AGMO: variants seen among roughly 807,000 people sequenced by gnomAD.
AGMO encodes glyceryl-ether monooxygenase.
A neutral mutation model predicts 60.2 loss-of-function variants in AGMO; 75 were observed. The observed-to-expected ratio is 1.25, with a 90% CI of 1.03 to 1.51. The LOEUF is 1.51. Among genes scored for constraint, AGMO ranks in the 40% most tolerant of loss-of-function variants. The pLI, the probability that AGMO is intolerant of heterozygous loss-of-function variation, is 0.00. For missense variants in AGMO, 763 were observed against 525.5 expected, an observed-to-expected ratio of 1.45 and a Z score of -4.42; for synonymous variants, 261 against 177.1, an observed-to-expected ratio of 1.47 and a Z score of -3.76.
At chr7:15,316,839 T>G (rs1235322800) in intron 12 of AGMO, among the ~76,000 whole-genome samples, 1 of 152,160 alleles carries the variant, frequency 6.6e-6, no homozygotes, top group Non-Finnish European at 1.5e-5. Context: ...ATAACATACA[T>G]TTAAATTATT....
chr7:15,310,672 A>C (rs984084288), intron 12 of AGMO, among the ~76,000 whole-genome samples: 1 of 152,190 alleles, frequency 6.6e-6, no homozygotes, highest in Admixed American at 6.5e-5. Flanking sequence ...GGTAAGGCAG[A>C]GTATACTATT....
intron 3 of AGMO, among the ~76,000 whole-genome samples, chr7:15,484,456 A>G (rs1782858769): frequency 6.6e-6 from 1 of 152,194 alleles, no homozygotes; most frequent in African/African-American, 2.4e-5. Context: ...GTGCTGAGGA[A>G]GTTCAAGATG....
intron 10 of AGMO, among the ~76,000 whole-genome samples, chr7:15,368,784 T>TTTCCTGTG (rs1783087025): frequency 6.6e-6 from 1 of 152,100 alleles, no homozygotes. Context: ...ATGAAATAAG[T>TTTCCTGTG]ACATGTATTT....
At chr7:15,378,701 T>TACAGTCAGAACTCTCC (rs1783555454) in intron 10 of AGMO, among the ~76,000 whole-genome samples, 1 of 151,774 alleles carries the variant, frequency 6.6e-6, no homozygotes, top group Non-Finnish European at 1.5e-5. Flanking sequence ...ACCTGATAGA[T>TACAGTCAGAACTCTCC]ACAGTCAGAA....
intron 12 of AGMO, among the ~76,000 whole-genome samples, chr7:15,256,346 A>T (rs1783096996): frequency 6.6e-6 from 1 of 151,974 alleles, no homozygotes; most frequent in Non-Finnish European, 1.5e-5. Context: ...TTTTATTTTT[A>T]TTTTTTATTT....
downstream of AGMO, among the ~76,000 whole-genome samples, chr7:15,198,831 A>G (rs536290084): frequency 2.0e-5 from 3 of 152,286 alleles, no homozygotes; most frequent in African/African-American, 7.2e-5. Flanking sequence ...GCTGAAAAAT[A>G]TCTCCAACAC....
intron 12 of AGMO, among the ~76,000 whole-genome samples, chr7:15,348,364 G>C (rs367801069): frequency 5.4e-4 from 82 of 151,964 alleles, no homozygotes; most frequent in Non-Finnish European, 1.1e-3. Context: ...AAATTGCATT[G>C]AATGATCGAT....
At chr7:15,124,844 G>C in the AGMO span, among the ~76,000 whole-genome samples, 1 of 152,004 alleles carries the variant, frequency 6.6e-6, no homozygotes, top group Non-Finnish European at 1.5e-5. Context: ...CTCCCACAAA[G>C]GCTGAAGTCA....
intron 12 of AGMO, among the ~76,000 whole-genome samples, chr7:15,360,125 C>G (rs1782691515): frequency 6.6e-6 from 1 of 152,124 alleles, no homozygotes; most frequent in African/African-American, 2.4e-5. Context: ...CTTATTTAAT[C>G]CACATGTCCA....
the AGMO span, among the ~76,000 whole-genome samples, chr7:15,177,525 T>C: frequency 2.2e-4 from 33 of 152,250 alleles, no homozygotes; most frequent in African/African-American, 7.0e-4. Context: ...ATGTAGATAT[T>C]GTCTGCTGAT....
At chr7:15,360,852 G>A (rs1054878050) in intron 12 of AGMO, among the ~76,000 whole-genome samples, 1 of 152,114 alleles carries the variant, frequency 6.6e-6, no homozygotes, top group South Asian at 2.1e-4. Flanking sequence ...GAGTACGTAC[G>A]CATGCCCTCA....
At chr7:15,431,845 T>C (rs1485497581) in intron 3 of AGMO, among the ~76,000 whole-genome samples, 2 of 151,820 alleles carry the variant, frequency 1.3e-5, no homozygotes, top group Non-Finnish European at 3.0e-5. Flanking sequence ...TTGGAATTCA[T>C]ACAGACTCCA....
chr7:15,284,031 AATG>A (rs1224582753), intron 12 of AGMO, among the ~76,000 whole-genome samples: 12 of 152,100 alleles, frequency 7.9e-5, no homozygotes, highest in Non-Finnish European at 1.5e-4. Flanking sequence ...ATTTGAAATG[AATG>A]ATAATAGTGA....
intron 2 of AGMO, among the ~76,000 whole-genome samples, chr7:15,546,760 T>A (rs1466533231): frequency 1.3e-5 from 2 of 152,238 alleles, no homozygotes; most frequent in African/African-American, 4.8e-5. Flanking sequence ...TTTATGAAGG[T>A]ATGCTAGTCA....
chr7:15,513,561 C>A (rs76307459), intron 3 of AGMO, among the ~76,000 whole-genome samples: 2,305 of 152,192 alleles, frequency 0.015, 60 homozygotes, highest in African/African-American at 0.052. Flanking sequence ...CTCTTGTCCC[C>A]CAAGACAATC....
At chr7:15,242,948 A>G (rs562321968) in intron 12 of AGMO, among the ~76,000 whole-genome samples, 75 of 152,240 alleles carry the variant, frequency 4.9e-4, no homozygotes, top group African/African-American at 1.7e-3. Flanking sequence ...GATGTGGGAC[A>G]GATTTTAAGT....
chr7:15,322,256 C>T (rs1261551599), intron 12 of AGMO, among the ~76,000 whole-genome samples: 4 of 146,750 alleles, frequency 2.7e-5, no homozygotes, highest in Non-Finnish European at 6.0e-5. Flanking sequence ...TAAGAAATAC[C>T]AAGGTACATA....
At chr7:15,196,450 T>C (rs975769358), downstream of AGMO, among the ~76,000 whole-genome samples, 2 of 152,216 alleles carry the variant, frequency 1.3e-5, no homozygotes, top group African/African-American at 2.4e-5. Context: ...GTATTACCTC[T>C]CTTAATTAAC....
At chr7:15,205,312 C>G (rs772301936) in intron 12 of AGMO, among the ~76,000 whole-genome samples, 7 of 152,074 alleles carry the variant, frequency 4.6e-5, no homozygotes, top group Non-Finnish European at 8.8e-5. Context: ...TAAGACTTTT[C>G]AAATAATTCA....
Sources: allele counts gnomAD v4.1 joint callset (sites outside exome capture counted in the v4.1 genomes callset), GRCh38; gene constraint gnomAD v4.1.1; transcripts MANE v1.5; gene names NCBI Gene and HGNC (gene_info 2026-07-23, HGNC 2026-07-21).